Variants in MAPKAPK5 observed in about 807,000 individuals in gnomAD.
MAPKAPK5 encodes MAPK activated protein kinase 5.
MAPKAPK5 carries 30 observed loss-of-function variants against 65.1 expected under a neutral mutation model. The observed-to-expected ratio is 0.46, with a 90% CI of 0.34 to 0.63. MAPKAPK5 has a LOEUF of 0.63. Among genes scored for constraint, MAPKAPK5 ranks in the 20% least tolerant of loss-of-function variants. The pLI is 0.01. For missense variants in MAPKAPK5, 433 were observed against 581.4 expected (o/e 0.74, Z 2.63); for synonymous variants, 179 against 204.6 (o/e 0.87, Z 1.07).
intron 1 of MAPKAPK5, among the ~76,000 whole-genome samples, chr12:111,858,540 C>CT (rs60767498): frequency 0.14 from 17,616 of 126,678 alleles, 3,507 homozygotes; most frequent in East Asian, 0.6. Flanking sequence ...TTGAGCACCT[C>CT]TTTTTTTTTT....
intron 9 of MAPKAPK5, among the ~76,000 whole-genome samples, chr12:111,884,554 G>A (rs2136144756): frequency 6.6e-6 from 1 of 152,324 alleles, no homozygotes; most frequent in South Asian, 2.1e-4. Flanking sequence ...CAGAATTAGG[G>A]CTAGTGAGTG....
intron 1 of MAPKAPK5, among the ~76,000 whole-genome samples, chr12:111,847,189 CA>C (rs759499761): frequency 6.7e-6 from 1 of 149,888 alleles, no homozygotes. Context: ...CTAAAAAAAA[CA>C]AAAAAAAATT....
intron 6 of MAPKAPK5, among the ~76,000 whole-genome samples, 182 bp from the exon 7 acceptor site, chr12:111,870,903 T>C (rs2069763704): frequency 6.6e-6 from 1 of 152,190 alleles, no homozygotes; most frequent in South Asian, 2.1e-4. Flanking sequence ...TCTGCATTAC[T>C]AAGGACAGTT....
chr12:111,863,802 C>T (rs191887657), intron 1 of MAPKAPK5, among the ~76,000 whole-genome samples: 132 of 151,964 alleles, frequency 8.7e-4, no homozygotes, highest in African/African-American at 3.1e-3. Context: ...GATGGGGATT[C>T]TCCATGTTGG....
At chr12:111,850,090 G>A (rs1269826031) in intron 1 of MAPKAPK5, among the ~76,000 whole-genome samples, 9 of 151,754 alleles carry the variant, frequency 5.9e-5, no homozygotes, top group Admixed American at 2.0e-4. Flanking sequence ...GTGTAGTGGC[G>A]TGATCTTGGC....
chr12:111,872,315 C>T (rs550895970), intron 7 of MAPKAPK5, among the ~76,000 whole-genome samples: 8 of 152,276 alleles, frequency 5.3e-5, no homozygotes, highest in East Asian at 3.9e-4. Flanking sequence ...ATTCTGGTAG[C>T]GGGCAGAGTA....
chr12:111,858,365 A>G (rs2069314217), intron 1 of MAPKAPK5, among the ~76,000 whole-genome samples: 1 of 152,076 alleles, frequency 6.6e-6, no homozygotes. Context: ...CACCTCCCCC[A>G]TCTTCACCCC....
rs922091304 is a variant in MAPKAPK5 at position 111,883,179 on chromosome 12, T to G, written c.661-402T>G. On this transcript the variant is annotated intron_variant, in intron 8 of 13. Transcript: ENST00000550735. This position sits in a 1 kb window ranked among gnomAD's most constrained non-coding sequence, Gnocchi z 4.8. ...CGAGGTCAGGAGTTCGAGACCAACC[T>G]GACCAACATGGTGAAAGCCTATCTC... Among the ~76,000 whole-genome samples the G allele has an allele frequency of 3.9e-5, 6 of 151,996 alleles. No homozygotes were observed. The highest frequency in any genetic ancestry group is 1.3e-4 in the Admixed American group (2 of 15,254).
chr12:111,890,246 T>C, intron 13 of MAPKAPK5, 102 bp downstream of exon 13: 2 of 842,460 alleles, frequency 2.4e-6, no homozygotes, highest in Non-Finnish European at 3.9e-6. Context: ...TGTTTTGAAG[T>C]GAAGTGAGGC....
intron 1 of MAPKAPK5, among the ~76,000 whole-genome samples, chr12:111,848,509 G>A (rs1208300593): frequency 6.6e-6 from 1 of 151,578 alleles, no homozygotes; most frequent in Non-Finnish European, 1.5e-5. Flanking sequence ...CGTCTCCCGG[G>A]TTCAAGTGAT....
At position 111,842,671 on chromosome 12, in the gene MAPKAPK5, C is replaced by T; in HGVS notation, c.-63C>T. The T allele has an allele frequency of 7.8e-7, 1 of 1,278,956 alleles. No homozygotes were observed. Among genetic ancestry groups the T allele is most frequent in the Non-Finnish European group, 1.0e-6 (1 of 994,330 alleles). 79.2% of individuals were successfully genotyped at this position (1,278,956 alleles called of 1,614,324 possible). A position where few individuals can be genotyped will look rare whatever the true frequency, so the allele number is the denominator to read the frequency against. On this transcript the variant is annotated 5_prime_UTR_variant, in exon 1 of 14. Transcript: ENST00000550735. ...AGTGCCGAGCCCTTTGCTCCCTCGG[C>T]CGCGCGGGGACAGGGCTGCTGAGCA... is the stretch of plus-strand genomic sequence containing the variant.
At chr12:111,890,180 C>A in intron 13 of MAPKAPK5, 36 bp downstream of exon 13, 1 of 1,402,982 alleles carries the variant, frequency 7.1e-7, no homozygotes, top group Non-Finnish European at 9.9e-7. Flanking sequence ...CCCAGGAATG[C>A]AGACAAGTGA....
chr12:111,893,713 CTTTT>C lies in MAPKAPK5; in HGVS notation c.*668_*671del, dbSNP rs1055678464. ...AACAGGGTTTTCTTTTGGGTTTATT[CTTTT>C]TTTTTTTTTTTTTTTGAGACAGAGT... On this transcript the variant is annotated 3_prime_UTR_variant, in exon 14 of 14. Coordinates refer to ENST00000550735, the MANE Select transcript of MAPKAPK5 (RefSeq NM_003668.4). 1.5e-5 allele frequency: 2 copies of C among 129,410 alleles called. No homozygotes were observed. The highest frequency in any genetic ancestry group is 2.8e-5 in the African/African-American group (1 of 35,300). 8.0% of individuals were successfully genotyped at this position (129,410 alleles called of 1,614,324 possible).
Position 111,883,855 on chromosome 12 carries a change from G to T in MAPKAPK5, c.848+87G>T. 1 of 1,368,768 alleles carries T rather than the reference G, an allele frequency of 7.3e-7. No individual in the cohort carries two copies. Among genetic ancestry groups the T allele is most frequent in the African/African-American group, 1.4e-5 (1 of 69,076 alleles). 84.8% of individuals were successfully genotyped at this position (1,368,768 alleles called of 1,614,324 possible). A position where few individuals can be genotyped will look rare whatever the true frequency, so the allele number is the denominator to read the frequency against. ...GAATGTGGGTAGAGAAAAGTCACTG[G>T]TTTCCTAGGCAGGCTCCTCCCCGTT... On this transcript the variant is annotated intron_variant, in intron 9 of 13. Transcript: ENST00000550735. The surrounding 1 kb of genome is among the most constrained non-coding windows in gnomAD (Gnocchi z 4.8).
intron 1 of MAPKAPK5, among the ~76,000 whole-genome samples, chr12:111,844,558 C>T (rs2068845331): frequency 6.6e-6 from 1 of 152,198 alleles, no homozygotes; most frequent in Non-Finnish European, 1.5e-5. Flanking sequence ...GGTTGTGAAT[C>T]AAAGCGTATG....
rs542519419 is a variant in MAPKAPK5 at position 111,866,675 on chromosome 12, T to C, written c.186+444T>C. 2.2e-4 allele frequency among the ~76,000 whole-genome samples: 33 copies of C among 152,234 alleles called. 1 individual carries two copies. Among genetic ancestry groups the C allele is most frequent in the South Asian group, 2.1e-3 (10 of 4,814 alleles). On this transcript the variant is annotated intron_variant, in intron 3 of 13. Coordinates refer to ENST00000550735, the MANE Select transcript of MAPKAPK5 (RefSeq NM_003668.4). ...CCCAGGCTGGAGTGCGATGGCGCAA[T>C]CTCGGCTTACGGCAACCTCCGCCTC...
chr12:111,845,877 C>A (rs1053300950), intron 1 of MAPKAPK5, among the ~76,000 whole-genome samples: 1 of 152,148 alleles, frequency 6.6e-6, no homozygotes, highest in Non-Finnish European at 1.5e-5. Flanking sequence ...GAGCTGAGAT[C>A]ATGCCACTGC....
chr12:111,862,926 G>A (rs1452669505), intron 1 of MAPKAPK5, among the ~76,000 whole-genome samples: 1 of 152,060 alleles, frequency 6.6e-6, no homozygotes, highest in East Asian at 1.9e-4. Context: ...CCTGGGTCTC[G>A]TCAGATACTC....
At chr12:111,845,563 G>GT (rs149413946) in intron 1 of MAPKAPK5, among the ~76,000 whole-genome samples, 2,571 of 152,202 alleles carry the variant, frequency 0.017, 78 homozygotes, top group African/African-American at 0.057. Context: ...AGCTTATAGG[G>GT]TTTTTTGTTG....
Sources: allele counts gnomAD v4.1 joint callset (sites outside exome capture counted in the v4.1 genomes callset), GRCh38; gene constraint gnomAD v4.1.1; non-coding constraint Gnocchi (gnomAD v3.1); transcripts MANE v1.5; gene names NCBI Gene and HGNC (gene_info 2026-07-23, HGNC 2026-07-21).